Variants in PPP4R4 observed in about 807,000 individuals in gnomAD.
PPP4R4 encodes the protein protein phosphatase 4 regulatory subunit 4.
Under a neutral mutation model 121.8 loss-of-function variants are expected in PPP4R4, and 70 were observed. The ratio of observed to expected loss-of-function variants is 0.57; its 90% CI spans 0.47 to 0.70. PPP4R4 has a LOEUF of 0.70. Among genes scored for constraint, PPP4R4 ranks in the 30% least tolerant of loss-of-function variants. The pLI is 0.00. For synonymous variants in PPP4R4, 348 were observed against 355.7 expected (o/e 0.98, Z 0.24); for missense variants, 875 against 1,033.6 (o/e 0.85, Z 2.10).
At chr14:94,265,240 T>C (rs1893978002) in intron 20 of PPP4R4, 147 bp from the exon 21 acceptor site, 1 of 645,820 alleles carries the variant, frequency 1.5e-6, no homozygotes, top group Non-Finnish European at 2.7e-6. Flanking sequence ...GATTGAAATA[T>C]GTAAATATTA....
intron 22 of PPP4R4, among the ~76,000 whole-genome samples, chr14:94,266,310 C>T (rs983547091): frequency 6.6e-6 from 1 of 152,136 alleles, no homozygotes. Flanking sequence ...GTGATCACAG[C>T]AGAGTTAGCG....
chr14:94,258,611 A>G (rs1424016229), intron 17 of PPP4R4, among the ~76,000 whole-genome samples, 172 bp from the exon 18 acceptor site: 3 of 152,162 alleles, frequency 2.0e-5, no homozygotes, highest in Non-Finnish European at 4.4e-5. Context: ...TTGTATAAAG[A>G]TTGATTGTAA....
rs1359296432 is a variant in PPP4R4 at position 94,241,865 on chromosome 14, A to G, written c.1054A>G (p.Asn352Asp). 2 of 1,609,970 alleles carry G rather than the reference A, an allele frequency of 1.2e-6. No individual in the cohort carries two copies. Among genetic ancestry groups the G allele is most frequent in the Admixed American group, 1.7e-5 (1 of 59,372 alleles). Residue 352 changes from asparagine (N) to aspartate (D), a missense_variant, in exon 10 of 25, where the codon AAT becomes GAT. Transcript: ENST00000304338. ...TTGTACATTGGGTTTGCAACAAGAA[A>G]ATGGACACAATGAAAACCAGATTCC... ...KLCTLGLQQE[N>D]GHNENQIPPQ...
chr14:94,246,991 T>A (rs1306882024), intron 14 of PPP4R4, among the ~76,000 whole-genome samples: 3 of 152,146 alleles, frequency 2.0e-5, no homozygotes, highest in Non-Finnish European at 4.4e-5. Context: ...TACTATAAGT[T>A]TGGTTACTTT....
chr14:94,190,525 C>T (rs761552268), intron 2 of PPP4R4, among the ~76,000 whole-genome samples: 85 of 152,020 alleles, frequency 5.6e-4, no homozygotes, highest in African/African-American at 1.9e-3. Flanking sequence ...TGCTTGACCC[C>T]GGGAGGCAGA....
chr14:94,248,599 A>C (rs1340960083), intron 14 of PPP4R4, among the ~76,000 whole-genome samples: 1 of 152,192 alleles, frequency 6.6e-6, no homozygotes. Flanking sequence ...TTCAGCTGCT[A>C]TTTCAGCCCT....
chr14:94,259,039 A>C (rs900508229), intron 18 of PPP4R4, among the ~76,000 whole-genome samples: 5 of 151,558 alleles, frequency 3.3e-5, no homozygotes, highest in Non-Finnish European at 7.4e-5. Context: ...GTGCAGGGAA[A>C]CTCCCCCTTA....
intron 3 of PPP4R4, among the ~76,000 whole-genome samples, chr14:94,228,417 C>T (rs757759385): frequency 5.3e-5 from 8 of 152,106 alleles, no homozygotes; most frequent in Non-Finnish European, 1.2e-4. Context: ...TGTAGAAATC[C>T]CTGTGTTATC....
At chr14:94,239,186 C>T (rs1007519601) in intron 8 of PPP4R4, among the ~76,000 whole-genome samples, 4 of 147,998 alleles carry the variant, frequency 2.7e-5, no homozygotes, top group African/African-American at 1.0e-4. Flanking sequence ...CTAGCCAACT[C>T]CTTCTGCTTC....
At chr14:94,277,297 G>A (rs564376844) in intron 24 of PPP4R4, among the ~76,000 whole-genome samples, 6 of 152,082 alleles carry the variant, frequency 3.9e-5, no homozygotes, top group African/African-American at 9.6e-5. Flanking sequence ...GTGAAACTCC[G>A]TCTCAAAAAA....
chr14:94,203,709 G>A (rs1890313307), intron 2 of PPP4R4, among the ~76,000 whole-genome samples: 2 of 152,110 alleles, frequency 1.3e-5, no homozygotes, highest in Admixed American at 6.6e-5. Context: ...GCTTTTGGTA[G>A]TGTTTTTAAA....
intron 2 of PPP4R4, among the ~76,000 whole-genome samples, chr14:94,180,726 C>T (rs1429892399): frequency 2.0e-5 from 3 of 151,846 alleles, no homozygotes; most frequent in Non-Finnish European, 2.9e-5. Flanking sequence ...GATCCTCCCA[C>T]CTCAGCTTTC....
intron 2 of PPP4R4, among the ~76,000 whole-genome samples, chr14:94,182,977 T>G (rs1360164475): frequency 1.3e-5 from 2 of 152,178 alleles, no homozygotes; most frequent in Non-Finnish European, 2.9e-5. Context: ...AATAATGAAC[T>G]TCCTAGTTAA....
intron 3 of PPP4R4, among the ~76,000 whole-genome samples, chr14:94,219,232 T>C (rs1332740596): frequency 2.6e-5 from 4 of 151,912 alleles, no homozygotes; most frequent in Non-Finnish European, 5.9e-5. Context: ...TCTGCTGCCA[T>C]GCCCAGCTAA....
Position 94,217,942 on chromosome 14 carries a change from C to T in PPP4R4, c.294+9376C>T, listed in dbSNP as rs547531288. ...CCGGGAGGCGGAGGTTGCGGTGAGCCGAGATTGCACCATTGCACTCTAGCA... is the reference window on the plus strand; with the variant it reads ...CCGGGAGGCGGAGGTTGCGGTGAGCTGAGATTGCACCATTGCACTCTAGCA... On this transcript the variant is annotated intron_variant, in intron 3 of 24. Transcript: ENST00000304338. 1.1e-3 allele frequency among the ~76,000 whole-genome samples: 160 copies of T among 151,986 alleles called. 1 individual carries two copies. The highest frequency in any genetic ancestry group is 3.6e-3 in the African/African-American group (149 of 41,416).
At chr14:94,228,066 T>TG (rs1212807344) in intron 3 of PPP4R4, among the ~76,000 whole-genome samples, 1 of 152,142 alleles carries the variant, frequency 6.6e-6, no homozygotes, top group Non-Finnish European at 1.5e-5. Flanking sequence ...GACTTTTGGT[T>TG]GAAAAAACAT....
chr14:94,240,827 A>G (rs772613876), intron 9 of PPP4R4, 32 bp downstream of exon 9: 6 of 1,466,132 alleles, frequency 4.1e-6, no homozygotes, highest in Non-Finnish European at 5.4e-6. Context: ...TTGAGACTGT[A>G]GATAATTTTT....
At chr14:94,273,427 T>C (rs1319516349) in intron 23 of PPP4R4, among the ~76,000 whole-genome samples, 5 of 152,094 alleles carry the variant, frequency 3.3e-5, no homozygotes, top group Non-Finnish European at 5.9e-5. Flanking sequence ...ATGGAGACAG[T>C]AAAATGATAA....
chr14:94,275,251 T>C, intron 23 of PPP4R4, 123 bp from the exon 24 acceptor site: 1 of 1,119,876 alleles, frequency 8.9e-7, no homozygotes, highest in Non-Finnish European at 1.3e-6. Context: ...TGTATGTAAA[T>C]TATACCCTCA....
Sources: allele counts gnomAD v4.1 joint callset (sites outside exome capture counted in the v4.1 genomes callset), GRCh38; gene constraint gnomAD v4.1.1; transcripts MANE v1.5; gene names NCBI Gene and HGNC (gene_info 2026-07-23, HGNC 2026-07-21).